LRIG1: variants seen among roughly 807,000 people sequenced by gnomAD.
LRIG1 encodes the protein leucine rich repeats and immunoglobulin like domains 1, also known as leucine-rich repeats and immunoglobulin-like domains protein 1.
Under a neutral mutation model 99.2 loss-of-function variants are expected in LRIG1, and 48 were observed. The ratio of observed to expected loss-of-function variants is 0.48; its 90% CI spans 0.38 to 0.62. LRIG1 has a LOEUF of 0.62. LRIG1 is among the 20% of genes least tolerant of loss of function. The pLI is 0.00. For missense variants in LRIG1, 1,646 were observed against 1,434.4 expected, an observed-to-expected ratio of 1.15 and a Z score of -2.38; for synonymous variants, 772 against 596.1, an observed-to-expected ratio of 1.29 and a Z score of -4.30.
At chr3:66,485,977 C>T (rs1432752073) in intron 1 of LRIG1, among the ~76,000 whole-genome samples, 4 of 152,138 alleles carry the variant, frequency 2.6e-5, no homozygotes, top group Non-Finnish European at 4.4e-5. Flanking sequence ...GCTAGTCTTA[C>T]CGTATTTTCT....
At chr3:66,401,957 A>G (rs918445264) in intron 9 of LRIG1, among the ~76,000 whole-genome samples, 3 of 152,170 alleles carry the variant, frequency 2.0e-5, no homozygotes, top group Non-Finnish European at 2.9e-5. Flanking sequence ...CCTTGGAAGT[A>G]GCCGCGACAT....
At chr3:66,411,187 C>T (rs1186698108) in intron 6 of LRIG1, among the ~76,000 whole-genome samples, 3 of 152,200 alleles carry the variant, frequency 2.0e-5, no homozygotes, top group African/African-American at 4.8e-5. Context: ...GGAAGGACAG[C>T]GCCAGCCCAG....
In LRIG1 at chr3:66,410,333, G is replaced by A. The variant is rs1328199004; in HGVS notation, c.792-61C>T. Reference sequence around the variant, plus strand: ...TTTCACTCCCTTCACTGGACAGACAGCAAATGAGCAGCCACGCTGTACCTG... The same window carrying A: ...TTTCACTCCCTTCACTGGACAGACAACAAATGAGCAGCCACGCTGTACCTG... On this transcript the variant is annotated intron_variant, in intron 6 of 18. Coordinates refer to ENST00000273261, the MANE Select transcript of LRIG1 (RefSeq NM_015541.3). 5 of 1,506,694 alleles carry A rather than the reference G, an allele frequency of 3.3e-6. No individual in the cohort carries two copies. The African/African-American group carries it at 4.2e-5, about 13-fold the overall frequency. 93.3% of individuals were successfully genotyped at this position (1,506,694 alleles called of 1,614,324 possible).
At chr3:66,396,881 C>T (rs1436909206) in intron 11 of LRIG1, among the ~76,000 whole-genome samples, 2 of 152,230 alleles carry the variant, frequency 1.3e-5, no homozygotes, top group Non-Finnish European at 2.9e-5. Flanking sequence ...TGCGAGTCCA[C>T]CTCTGAGTCC....
rs767657046 is a variant in LRIG1, at chr3:66,386,217, G to A, written c.1553C>T (p.Ala518Val). ...CATGGGGGAGCTGCTGCTGCTGGCT[G>A]CTGAGCATGTAAACCGGATGTCCTT... ...VGKDIRFTCSAASSSSSPMTF... is the reference protein window; with the variant it reads ...VGKDIRFTCSVASSSSSPMTF... The change falls in exon 13 of 19, where the codon GCA becomes GTA. Residue 518 changes from alanine to valine, a missense_variant. Coordinates refer to ENST00000273261, the MANE Select transcript of LRIG1 (RefSeq NM_015541.3). The A allele has an allele frequency of 8.1e-6, 13 of 1,614,014 alleles. No individual in the cohort carries two copies. Among genetic ancestry groups the A allele is most frequent in the Non-Finnish European group, 1.7e-6 (2 of 1,180,024 alleles).
intron 7 of LRIG1, among the ~76,000 whole-genome samples, chr3:66,409,311 A>G (rs570635537): frequency 1.3e-5 from 2 of 152,342 alleles, no homozygotes; most frequent in African/African-American, 4.8e-5. Flanking sequence ...ATAGACTTGT[A>G]AAGATGTTCT....
chr3:66,402,972 G>A (rs571820019), intron 9 of LRIG1, among the ~76,000 whole-genome samples: 1 of 152,168 alleles, frequency 6.6e-6, no homozygotes, highest in Admixed American at 6.5e-5. Flanking sequence ...ACCTGTGATA[G>A]GCCAAACACA....
At chr3:66,490,235 G>A (rs1575733406) in intron 1 of LRIG1, among the ~76,000 whole-genome samples, 1 of 152,280 alleles carries the variant, frequency 6.6e-6, no homozygotes, top group East Asian at 1.9e-4. Context: ...GGATGAGGCA[G>A]ATCTTAATAA....
rs201146811 is a variant in LRIG1, at chr3:66,405,288, G to A, written c.1080-10C>T. On this transcript the variant is annotated splice_polypyrimidine_tract_variant and intron_variant, in intron 8 of 18. Transcript: ENST00000273261. ...GTTATGGTCCAGATCCCTGGGGAGA[G>A]GACAGAAAGCAGCTCACCGAGCAGT... The A allele has an allele frequency of 8.6e-5, 139 of 1,610,396 alleles. 1 individual carries two copies. In the East Asian group the frequency reaches 3.1e-3, roughly 36 times the overall value.
chr3:66,440,554 G>T (rs1484123829), intron 3 of LRIG1, among the ~76,000 whole-genome samples: 1 of 152,258 alleles, frequency 6.6e-6, no homozygotes, highest in Admixed American at 6.5e-5. Flanking sequence ...ATTTTTATGG[G>T]ATGTAAATAG....
chr3:66,397,553 G>A (rs1701901275), intron 11 of LRIG1, among the ~76,000 whole-genome samples: 2 of 151,320 alleles, frequency 1.3e-5, no homozygotes, highest in Non-Finnish European at 2.9e-5. Flanking sequence ...TTCCAACCTT[G>A]TCACCCAAGA....
chr3:66,387,671 A>T (rs192097383), intron 12 of LRIG1: 103 of 152,256 alleles, frequency 6.8e-4, no homozygotes, highest in African/African-American at 2.5e-3. Context: ...TGAAACACTC[A>T]AACAGGAAAA....
chr3:66,435,436 A>T (rs1703324900), intron 3 of LRIG1, among the ~76,000 whole-genome samples: 1 of 152,108 alleles, frequency 6.6e-6, no homozygotes, highest in South Asian at 2.1e-4. Context: ...AGAATTAGCC[A>T]GGTGTGGTGG....
At chr3:66,441,402 A>T (rs1257274769) in intron 3 of LRIG1, among the ~76,000 whole-genome samples, 3 of 152,304 alleles carry the variant, frequency 2.0e-5, no homozygotes, top group African/African-American at 7.2e-5. Context: ...ACCTGACGAC[A>T]AGAGTGTTTT....
At chr3:66,388,074 T>A (rs1156444058) in intron 12 of LRIG1, 4 of 111,272 alleles carry the variant, frequency 3.6e-5, no homozygotes, top group African/African-American at 1.4e-4. Context: ...GCCACTGCCC[T>A]CCAGCCTGGG....
In LRIG1 at chr3:66,382,328, T is replaced by G. The variant is rs776438266; in HGVS notation, c.2562A>C (p.Glu854Asp). 1.2e-6 allele frequency: 2 copies of G among 1,614,084 alleles called. No individual in the cohort carries two copies. Among genetic ancestry groups the G allele is most frequent in the African/African-American group, 2.7e-5 (2 of 74,926 alleles). The stretch of plus-strand genomic sequence containing the variant: ...GGCCACCCTCGGTCCTGACCACGGT[T>G]TCTTGTCGGTCAGAAAGGGTCCCCT... ...SSQGTLSDRQ[E>D]TVVRTEGGPQ... is the part of the protein sequence containing the mutation. The change falls in exon 16 of 19, where the codon GAA (glutamate) becomes GAC (aspartate). Residue 854 changes from glutamate (E) to aspartate (D), a missense_variant. Physicochemically the swap from Glu to Asp is conservative, Grantham distance 45. Coordinates refer to ENST00000273261, the MANE Select transcript of LRIG1 (RefSeq NM_015541.3).
chr3:66,381,690 T>G, intron 16 of LRIG1, 59 bp from the exon 17 acceptor site: 1 of 1,569,896 alleles, frequency 6.4e-7, no homozygotes, highest in South Asian at 1.1e-5. Flanking sequence ...CAGTAAGCCT[T>G]ATGAAAGGAA....
At chr3:66,475,151 A>G (rs1700692009) in intron 1 of LRIG1, among the ~76,000 whole-genome samples, 1 of 152,230 alleles carries the variant, frequency 6.6e-6, no homozygotes, top group African/African-American at 2.4e-5. Flanking sequence ...CACTTGCTAT[A>G]TAACGAACAC....
intron 1 of LRIG1, among the ~76,000 whole-genome samples, chr3:66,492,824 G>T (rs1338810285): frequency 1.3e-5 from 2 of 152,138 alleles, no homozygotes; most frequent in African/African-American, 4.8e-5. Flanking sequence ...TAATAAAGAC[G>T]AAAACAATCG....
Sources: allele counts gnomAD v4.1 joint callset (sites outside exome capture counted in the v4.1 genomes callset), GRCh38; gene constraint gnomAD v4.1.1; transcripts MANE v1.5; gene names NCBI Gene and HGNC (gene_info 2026-07-23, HGNC 2026-07-21).